GALNT17: variants seen among roughly 807,000 people sequenced by gnomAD.
GALNT17 encodes UDP-GalNAc:polypeptide N-acetylgalactosaminyltransferase-like 3.
A neutral mutation model predicts 63.7 loss-of-function variants in GALNT17; 29 were observed. The observed-to-expected ratio is 0.46, with a 90% CI of 0.34 to 0.62. The LOEUF (loss-of-function observed/expected upper bound fraction) is 0.62. Among genes scored for constraint, GALNT17 ranks in the 20% least tolerant of loss-of-function variants. The probability of loss-of-function intolerance (pLI) is 0.01; values close to 1 mark genes in which losing one functional copy is unlikely to be tolerated. For synonymous variants in GALNT17, 305 were observed against 318.3 expected (o/e 0.96, Z 0.45); for missense variants, 603 against 799.6 (o/e 0.75, Z 2.97).
intron 5 of GALNT17, among the ~76,000 whole-genome samples, chr7:71,516,448 CCAG>C (rs1788446421): frequency 6.6e-6 from 1 of 152,078 alleles, no homozygotes; most frequent in Admixed American, 6.5e-5. Context: ...CCCCTTAATT[CCAG>C]AACTGGAGTG....
chr7:71,279,936 C>T (rs1256521137), intron 1 of GALNT17, among the ~76,000 whole-genome samples: 4 of 151,906 alleles, frequency 2.6e-5, no homozygotes, highest in African/African-American at 7.3e-5. Context: ...ATCTTCCGGC[C>T]CACTAAATGA....
At chr7:71,498,342 C>T (rs1186282773) in intron 5 of GALNT17, among the ~76,000 whole-genome samples, 2 of 151,716 alleles carry the variant, frequency 1.3e-5, no homozygotes, top group African/African-American at 2.4e-5. Context: ...CCGGGTCTGG[C>T]GGTTCACGTC....
chr7:71,154,117 C>T (rs1788185381), intron 1 of GALNT17, among the ~76,000 whole-genome samples: 1 of 152,014 alleles, frequency 6.6e-6, no homozygotes, highest in African/African-American at 2.4e-5. Flanking sequence ...GTGAGGGAGC[C>T]TCTGCCTGAG....
At chr7:71,561,353 A>G (rs1789252952) in intron 5 of GALNT17, among the ~76,000 whole-genome samples, 2 of 152,114 alleles carry the variant, frequency 1.3e-5, no homozygotes, top group Non-Finnish European at 2.9e-5. Flanking sequence ...CTGATTGCCA[A>G]AGAAGTTGGC....
At chr7:71,568,477 T>A (rs1268963933) in intron 5 of GALNT17, among the ~76,000 whole-genome samples, 1 of 152,240 alleles carries the variant, frequency 6.6e-6, no homozygotes. Flanking sequence ...GAGGCATGTC[T>A]GCTATTTTCC....
chr7:71,198,314 A>T (rs562610207), intron 1 of GALNT17, among the ~76,000 whole-genome samples: 5 of 152,150 alleles, frequency 3.3e-5, no homozygotes, highest in Admixed American at 2.6e-4. Context: ...CTGCTCTCCC[A>T]TCCAAAAGCA....
intron 5 of GALNT17, among the ~76,000 whole-genome samples, chr7:71,439,767 C>G (rs1354586623): frequency 6.6e-6 from 1 of 152,068 alleles, no homozygotes. Flanking sequence ...GCAGCCATCC[C>G]ATTAATTTTA....
intron 1 of GALNT17, among the ~76,000 whole-genome samples, chr7:71,316,383 T>C (rs1791500863): frequency 6.6e-6 from 1 of 152,116 alleles, no homozygotes; most frequent in Non-Finnish European, 1.5e-5. Context: ...CTCAAGACCA[T>C]CTGTACATAG....
chr7:71,262,180 T>C (rs1454432312), intron 1 of GALNT17, among the ~76,000 whole-genome samples: 1 of 152,188 alleles, frequency 6.6e-6, no homozygotes, highest in East Asian at 1.9e-4. Flanking sequence ...GGTGCGATCA[T>C]AGCTCACTGC....
chr7:71,449,108 C>CTTTTTTTTTCTTTTTT (rs1787211592), intron 5 of GALNT17, among the ~76,000 whole-genome samples: 1 of 72,754 alleles, frequency 1.4e-5, no homozygotes, highest in Non-Finnish European at 2.3e-5. Flanking sequence ...TGCCTATTTT[C>CTTTTTTTTTCTTTTTT]TTTTTTTTTT....
At chr7:71,310,535 C>T (rs913124903) in intron 1 of GALNT17, among the ~76,000 whole-genome samples, 5 of 152,204 alleles carry the variant, frequency 3.3e-5, no homozygotes, top group Non-Finnish European at 5.9e-5. Context: ...TTTGCACCAA[C>T]CTAATATTTA....
intron 1 of GALNT17, among the ~76,000 whole-genome samples, chr7:71,201,781 G>A (rs1449159061): frequency 6.6e-6 from 1 of 151,878 alleles, no homozygotes; most frequent in Admixed American, 6.6e-5. Context: ...ACAGGCACAC[G>A]CCACCACACC....
At chr7:71,168,506 A>G (rs1788486631) in intron 1 of GALNT17, among the ~76,000 whole-genome samples, 1 of 152,102 alleles carries the variant, frequency 6.6e-6, no homozygotes, top group Admixed American at 6.5e-5. Flanking sequence ...CCGGAGGCGG[A>G]TGTTGCAGTG....
At chr7:71,388,619 C>T (rs1023104514) in intron 3 of GALNT17, among the ~76,000 whole-genome samples, 4 of 151,860 alleles carry the variant, frequency 2.6e-5, no homozygotes, top group African/African-American at 4.8e-5. Context: ...CTCCACCTCC[C>T]GGGTTCAAGC....
At chr7:71,442,108 A>G in intron 5 of GALNT17, among the ~76,000 whole-genome samples, 1 of 152,224 alleles carries the variant, frequency 6.6e-6, no homozygotes, top group Admixed American at 6.5e-5. Context: ...CCAACAATGT[A>G]AAAGTGTTCC....
intron 3 of GALNT17, among the ~76,000 whole-genome samples, chr7:71,408,832 C>G (rs940000059): frequency 1.3e-5 from 2 of 152,100 alleles, no homozygotes; most frequent in East Asian, 3.9e-4. Context: ...GTGATTGCAC[C>G]ACTTCACTCC....
At chr7:71,250,262 T>C (rs1790172800) in intron 1 of GALNT17, among the ~76,000 whole-genome samples, 3 of 151,294 alleles carry the variant, frequency 2.0e-5, no homozygotes, top group Admixed American at 6.6e-5. Context: ...GAGGGATATC[T>C]GTCATCCAAG....
chr7:71,490,107 A>T (rs1787981091), intron 5 of GALNT17, among the ~76,000 whole-genome samples: 1 of 151,852 alleles, frequency 6.6e-6, no homozygotes, highest in Non-Finnish European at 1.5e-5. Flanking sequence ...AATACAAAAA[A>T]ATTTAGCTGG....
Position 71,614,872 on chromosome 7 carries a change from C to CAGGGAGGGAAGGGAGGG in GALNT17, c.1080+43480_1080+43496dup, listed in dbSNP as rs1215906282. 2.4e-3 allele frequency among the ~76,000 whole-genome samples: 235 copies of CAGGGAGGGAAGGGAGGG among 97,078 alleles called. 2 individuals are homozygous for CAGGGAGGGAAGGGAGGG. Among genetic ancestry groups the CAGGGAGGGAAGGGAGGG allele is most frequent in the Non-Finnish European group, 3.1e-3 (168 of 53,408 alleles). The allele number at this position is 97,078 out of a possible 152,430, so 63.7% of individuals were successfully genotyped here. A position where few individuals can be genotyped will look rare whatever the true frequency, so the allele number is the denominator to read the frequency against. ...AGAAAGAAACAGAAAAACAAAGAAA[C>CAGGGAGGGAAGGGAGGG]AGGGAGGGAAGGGAGGGAGGGAGGG... On this transcript the variant is annotated intron_variant, in intron 6 of 10. Coordinates refer to ENST00000333538, the MANE Select transcript of GALNT17 (RefSeq NM_022479.3).
Sources: gnomAD v4.1 joint callset for allele counts (sites outside exome capture counted in the v4.1 genomes callset) on GRCh38, gnomAD v4.1.1 for gene constraint, MANE v1.5 for transcripts, NCBI Gene and HGNC (gene_info 2026-07-23, HGNC 2026-07-21) for gene names.